The following SCYL1 variants were observed in gnomAD, a reference collection of about 807,000 sequenced individuals.
The protein encoded by SCYL1 is SCY1 like pseudokinase 1.
Under a neutral mutation model 94.8 loss-of-function variants are expected in SCYL1, and 85 were observed. That is an observed-to-expected ratio of 0.90 (90% CI 0.75 to 1.07). The LOEUF is 1.07. Among genes scored for constraint, SCYL1 ranks in the 50% least tolerant of loss-of-function variants. The pLI is 0.00. For missense variants in SCYL1, 968 were observed against 1,083.3 expected (o/e 0.89, Z 1.49); for synonymous variants, 459 against 435.5 (o/e 1.05, Z -0.67).
At chr11:65,530,910 C>A in intron 7 of SCYL1, 123 bp downstream of exon 7, 1 of 1,083,974 alleles carries the variant, frequency 9.2e-7, no homozygotes, top group Non-Finnish European at 1.3e-6. Flanking sequence ...AGCTTCCTGC[C>A]AGTGTCTATA....
chr11:65,534,428 C>T (rs1029386500), intron 9 of SCYL1, among the ~76,000 whole-genome samples: 4 of 151,966 alleles, frequency 2.6e-5, no homozygotes, highest in South Asian at 4.2e-4. Context: ...AAAAAAGATA[C>T]GGAGACGAGA....
Position 65,538,534 on chromosome 11 carries a change from C to T in SCYL1, c.2395C>T (p.Pro799Ser). The T allele has an allele frequency of 6.2e-7, 1 of 1,611,432 alleles. No individual in the cohort carries two copies. Among genetic ancestry groups the T allele is most frequent in the Non-Finnish European group, 8.5e-7 (1 of 1,179,438 alleles). ...KRAERKVAKG[P>S]MKLGARKLD is the part of the protein sequence containing the mutation. Reference sequence around the variant, plus strand: ...CGCCGAGAGGAAGGTGGCCAAGGGCCCCATGAAGCTGGGAGCCCGGAAGCT... The same window carrying T: ...CGCCGAGAGGAAGGTGGCCAAGGGCTCCATGAAGCTGGGAGCCCGGAAGCT... Residue 799 changes from proline (P) to serine (S), a missense_variant, in exon 18 of 18, where the codon CCC becomes TCC. By Grantham distance (74) the Pro-to-Ser change is moderately conservative. This residue lies in a region of SCYL1 where 474 missense variants were observed against 463.6 expected (regional missense o/e 1.02). Transcript: ENST00000270176.
Position 65,526,333 on chromosome 11 carries a change from A to C in SCYL1, c.585A>C (p.Arg195Ser). The C allele has an allele frequency of 6.2e-7, 1 of 1,604,430 alleles. No homozygotes were observed. The highest frequency in any genetic ancestry group is 1.1e-5 in the South Asian group (1 of 90,446). ...DPPELADSSG[R>S]VVREKWSADM... ...CGGAGTTGGCTGACAGCAGTGGCAG[A>C]GTGGTCAGAGAGAAGTGGTGGGTGA... The change falls in exon 4 of 18, where the codon AGA (arginine) becomes AGC (serine). Residue 195 changes from arginine (R) to serine (S), a missense_variant. Around this residue, in one of 2 missense-constraint regions of SCYL1, gnomAD observed 494 missense variants for 619.7 expected, o/e 0.80. Transcript: ENST00000270176. This position sits in a 1 kb window ranked among gnomAD's most constrained non-coding sequence, Gnocchi z 4.1.
chr11:65,534,053 C>A (rs1565075436), intron 9 of SCYL1, among the ~76,000 whole-genome samples: 1 of 151,952 alleles, frequency 6.6e-6, no homozygotes, highest in Non-Finnish European at 1.5e-5. Context: ...ATGGTGAAAC[C>A]CCGTCTCTAC....
chr11:65,530,517 C>T, intron 6 of SCYL1, 112 bp from the exon 7 acceptor site: 1 of 1,252,124 alleles, frequency 8.0e-7, no homozygotes, highest in Non-Finnish European at 1.1e-6. Flanking sequence ...GGCAGCCAGG[C>T]TCCAGAGCCC....
chr11:65,532,261 C>T (rs1032487891), intron 8 of SCYL1, among the ~76,000 whole-genome samples: 1 of 152,056 alleles, frequency 6.6e-6, no homozygotes, highest in African/African-American at 2.4e-5. Flanking sequence ...CCCGTCTCTA[C>T]TAAAAATACA....
Position 65,526,834 on chromosome 11 carries a change from G to A in SCYL1, c.654G>A (p.Gly218=). The change falls in exon 5 of 18, where the codon GGG becomes GGA. Residue 218 remains glycine, a synonymous_variant. Coordinates refer to ENST00000270176, the MANE Select transcript of SCYL1 (RefSeq NM_020680.4). The surrounding 1 kb of genome is among the most constrained non-coding windows in gnomAD (Gnocchi z 4.1). ...LGCLIWEVFN[G]PLPRAAALRN... ...GCCTCATTTGGGAAGTCTTCAATGGGCCCCTACCTCGGGCAGCAGCCCTAC... is the reference window on the plus strand; with the variant it reads ...GCCTCATTTGGGAAGTCTTCAATGGACCCCTACCTCGGGCAGCAGCCCTAC... 3 of 1,613,260 alleles carry A rather than the reference G, an allele frequency of 1.9e-6. No individual in the cohort carries two copies. Among genetic ancestry groups the A allele is most frequent in the Non-Finnish European group, 2.5e-6 (3 of 1,179,950 alleles).
chr11:65,526,307 C>G lies in SCYL1; in HGVS notation c.559C>G (p.Pro187Ala). ...CCCCGAGCTTGAGCAGTATGACCCCCCGGAGTTGGCTGACAGCAGTGGCAG... is the reference window on the plus strand; with the variant it reads ...CCCCGAGCTTGAGCAGTATGACCCCGCGGAGTTGGCTGACAGCAGTGGCAG... ...GIPELEQYDPPELADSSGRVV... is the reference protein window; with the variant it reads ...GIPELEQYDPAELADSSGRVV... Residue 187 changes from proline (P) to alanine (A), a missense_variant, in exon 4 of 18, where the codon CCG (proline) becomes GCG (alanine). Pro to Ala is a conservative substitution (Grantham distance 27). Coordinates refer to ENST00000270176, the MANE Select transcript of SCYL1 (RefSeq NM_020680.4). This position sits in a 1 kb window ranked among gnomAD's most constrained non-coding sequence, Gnocchi z 4.1. The G allele has an allele frequency of 6.2e-7, 1 of 1,608,940 alleles. No homozygotes were observed. Among genetic ancestry groups the G allele is most frequent in the Non-Finnish European group, 8.5e-7 (1 of 1,176,750 alleles).
Position 65,526,733 on chromosome 11 carries a change from C to G in SCYL1, c.603-50C>G. ...CCTGGTGCCCAAGGCAGGCTGGAGG[C>G]CTGTGCAGGTGGTTGGTGGGGCCCT... On this transcript the variant is annotated intron_variant, in intron 4 of 17. Transcript: ENST00000270176. The surrounding 1 kb of genome is among the most constrained non-coding windows in gnomAD (Gnocchi z 4.1). 6.4e-7 allele frequency: 1 copy of G among 1,563,286 alleles called. No homozygotes were observed. Among genetic ancestry groups the G allele is most frequent in the Non-Finnish European group, 8.7e-7 (1 of 1,144,188 alleles).
chr11:65,535,064 G>C, intron 9 of SCYL1, 163 bp from the exon 10 acceptor site: 1 of 779,254 alleles, frequency 1.3e-6, no homozygotes, highest in African/African-American at 1.8e-5. Flanking sequence ...ACAGAAATGG[G>C]GTCCCTTTCT....
intron 7 of SCYL1, among the ~76,000 whole-genome samples, chr11:65,531,228 C>A (rs1300030233): frequency 6.6e-6 from 1 of 152,124 alleles, no homozygotes; most frequent in Non-Finnish European, 1.5e-5. Context: ...TGGGGAGAAC[C>A]CTTTCATCTG....
At chr11:65,530,161 A>G (rs977321969) in intron 6 of SCYL1, among the ~76,000 whole-genome samples, 2 of 152,238 alleles carry the variant, frequency 1.3e-5, no homozygotes, top group Middle Eastern at 3.4e-3. Context: ...TTCCTGCCCA[A>G]TCCAGCCAGG....
At position 65,536,259 on chromosome 11, in the gene SCYL1, G is replaced by A; in HGVS notation, c.1576G>A (p.Ala526Thr). Residue 526 changes from alanine to threonine, a missense_variant and splice_region_variant, in exon 12 of 18, where the codon GCC becomes ACC. Ala to Thr is a moderately conservative substitution (Grantham distance 58, BLOSUM62 0). Coordinates refer to ENST00000270176, the MANE Select transcript of SCYL1 (RefSeq NM_020680.4). ...VDPEKSVRDQAFKAIRSFLSK... is the reference protein window; with the variant it reads ...VDPEKSVRDQTFKAIRSFLSK... ...CCAGCTCTGCCTCGTTACCCCACAG[G>A]CCTTCAAGGCCATTCGGAGCTTCCT... 6.2e-7 allele frequency: 1 copy of A among 1,613,844 alleles called. No homozygotes were observed. Among genetic ancestry groups the A allele is most frequent in the South Asian group, 1.1e-5 (1 of 91,078 alleles).
At chr11:65,535,916 C>A (rs1472438036) in intron 10 of SCYL1, 37 bp from the exon 11 acceptor site, 1 of 1,532,498 alleles carries the variant, frequency 6.5e-7, no homozygotes, top group South Asian at 1.3e-5. Flanking sequence ...CAACATTGAC[C>A]CTACACTCAG....
chr11:65,528,938 A>G (rs1030543020), intron 6 of SCYL1, among the ~76,000 whole-genome samples: 7 of 152,168 alleles, frequency 4.6e-5, no homozygotes, highest in Admixed American at 4.6e-4. Context: ...GTGGAGAGAT[A>G]CTGAGGAGGG....
chr11:65,531,982 C>T (rs575904945), intron 8 of SCYL1, among the ~76,000 whole-genome samples: 36 of 152,316 alleles, frequency 2.4e-4, no homozygotes, highest in African/African-American at 7.9e-4. Flanking sequence ...CCCAGGGCAG[C>T]TGGGAGCATC....
chr11:65,525,416 G>A, intron 1 of SCYL1, 152 bp downstream of exon 1: 3 of 1,082,130 alleles, frequency 2.8e-6, no homozygotes, highest in Non-Finnish European at 3.8e-6. Flanking sequence ...CGTGGCGGGC[G>A]GAGGGACCGA....
rs568992984 is a variant in SCYL1, at chr11:65,525,373, G to A, written c.111+109G>A. On this transcript the variant is annotated intron_variant, in intron 1 of 17. Coordinates refer to ENST00000270176, the MANE Select transcript of SCYL1 (RefSeq NM_020680.4). The stretch of plus-strand genomic sequence containing the variant: ...CCTGACGTGGCGGCGGAACCAAGGG[G>A]TAGCAGGCCGGGGAGGGGGCGGGCA... 168 of 1,080,032 alleles carry A rather than the reference G, an allele frequency of 1.6e-4. No homozygotes were observed. The African/African-American group carries it at 2.5e-3, about 16-fold the overall frequency. 66.9% of individuals were successfully genotyped at this position (1,080,032 alleles called of 1,614,324 possible).
intron 14 of SCYL1, 152 bp from the exon 15 acceptor site, chr11:65,537,657 C>G: frequency 1.5e-6 from 1 of 649,932 alleles, no homozygotes; most frequent in Non-Finnish European, 2.6e-6. Context: ...CCAGGGTCAG[C>G]GTCCATTTAA....
Sources: allele counts gnomAD v4.1 joint callset (sites outside exome capture counted in the v4.1 genomes callset), GRCh38; gene constraint gnomAD v4.1.1; regional missense constraint gnomAD v4.1.1; non-coding constraint Gnocchi (gnomAD v3.1); transcripts MANE v1.5; gene names NCBI Gene and HGNC (gene_info 2026-07-23, HGNC 2026-07-21).